TANC1: variants seen among roughly 807,000 people sequenced by gnomAD.
TANC1 encodes tetratricopeptide repeat, ankyrin repeat and coiled-coil containing 1, also known as protein TANC1.
A neutral mutation model predicts 149.7 loss-of-function variants in TANC1; 77 were observed. The ratio of observed to expected loss-of-function variants is 0.51; its 90% confidence interval spans 0.43 to 0.62. The LOEUF (loss-of-function observed/expected upper bound fraction) is 0.62. Ranked by LOEUF, TANC1 falls within the 20% of genes least tolerant of loss-of-function variation. The pLI is 0.00. For missense variants in TANC1, 1,985 were observed against 2,321.8 expected (o/e 0.85, Z 2.98); for synonymous variants, 854 against 925.0 (o/e 0.92, Z 1.39).
At chr2:159,161,976 G>A (rs1368608609) in intron 7 of TANC1, among the ~76,000 whole-genome samples, 2 of 152,218 alleles carry the variant, frequency 1.3e-5, no homozygotes, top group East Asian at 1.9e-4. Flanking sequence ...ATACTCTAGG[G>A]AAGGCTTCAG....
At chr2:159,198,427 G>A (rs529863897) in intron 18 of TANC1, among the ~76,000 whole-genome samples, 37 of 152,288 alleles carry the variant, frequency 2.4e-4, no homozygotes, top group Admixed American at 2.3e-3. Context: ...CGCCGGCTCA[G>A]GTCCAGGGCA....
At chr2:159,024,892 C>G (rs769690607) in intron 2 of TANC1, among the ~76,000 whole-genome samples, 4 of 152,154 alleles carry the variant, frequency 2.6e-5, no homozygotes, top group Non-Finnish European at 5.9e-5. Context: ...ACATGCTGTT[C>G]TGGTTTGTAG....
intron 3 of TANC1, among the ~76,000 whole-genome samples, chr2:159,093,900 G>C (rs1351950444): frequency 6.6e-6 from 1 of 152,122 alleles, no homozygotes; most frequent in African/African-American, 2.4e-5. Flanking sequence ...TGCTTTGCTT[G>C]TTATAAACAA....
intron 5 of TANC1, 103 bp from the exon 6 acceptor site, chr2:159,149,037 AAC>A (rs2052471443): frequency 7.4e-7 from 1 of 1,348,392 alleles, no homozygotes; most frequent in South Asian, 1.5e-5. Flanking sequence ...ATTTTATAGA[AAC>A]ACACAAAATC....
intron 6 of TANC1, chr2:159,149,553 C>G (rs539774216): frequency 1.1e-4 from 43 of 406,686 alleles, no homozygotes; most frequent in Non-Finnish European, 1.9e-4. Context: ...AAAAGAATGC[C>G]TTCATAATGC....
chr2:159,166,813 A>AGCTGAGATAGCTG (rs1250323299), intron 8 of TANC1, among the ~76,000 whole-genome samples: 1 of 152,248 alleles, frequency 6.6e-6, no homozygotes, highest in Non-Finnish European at 1.5e-5. Context: ...TGCCTCAGAA[A>AGCTGAGATAGCTG]GCTGAGATAG....
chr2:158,993,264 T>A (rs572241501), intron 1 of TANC1, among the ~76,000 whole-genome samples: 1 of 152,230 alleles, frequency 6.6e-6, no homozygotes, highest in South Asian at 2.1e-4. Flanking sequence ...TGTTTTTTGT[T>A]CTGTTTTGTT....
intron 3 of TANC1, among the ~76,000 whole-genome samples, chr2:159,076,976 G>A (rs531210673): frequency 6.7e-6 from 1 of 150,164 alleles, no homozygotes; most frequent in East Asian, 1.9e-4. Context: ...CTTCAGGGAC[G>A]TTCATTTTGT....
chr2:159,036,143 C>T (rs1228448013), intron 2 of TANC1, among the ~76,000 whole-genome samples: 1 of 152,216 alleles, frequency 6.6e-6, no homozygotes, highest in East Asian at 1.9e-4. Flanking sequence ...AGACGATTCC[C>T]TTCCTGGCTG....
chr2:159,113,344 G>A (rs535389383), intron 4 of TANC1, among the ~76,000 whole-genome samples: 210 of 152,326 alleles, frequency 1.4e-3, no homozygotes, highest in African/African-American at 4.9e-3. Flanking sequence ...TATTGTAGGA[G>A]GACAGACAGA....
Position 159,230,781 on chromosome 2 carries a change from TTC to T in TANC1, c.5357_5358del (p.Ser1786CysfsTer35). The T allele has an allele frequency of 6.2e-7, 1 of 1,614,210 alleles. No homozygotes were observed. Among genetic ancestry groups the T allele is most frequent in the South Asian group, 1.1e-5 (1 of 91,088 alleles). On this transcript the variant is annotated frameshift_variant, in exon 27 of 27. Transcript: ENST00000263635. LOFTEE classifies it high-confidence loss of function. This position sits in a 1 kb window ranked among gnomAD's most constrained non-coding sequence, Gnocchi z 4.4. ...GGYNNQAKTC[S>X]VSTLSASVHN... ...GATATAATAACCAAGCCAAAACCTG[TTC>T]TGTTTCTACCCTGAGTGCAAGTGTC... is the stretch of plus-strand genomic sequence containing the variant.
intron 22 of TANC1, among the ~76,000 whole-genome samples, chr2:159,223,302 CTT>C (rs914233557): frequency 6.8e-6 from 1 of 147,008 alleles, no homozygotes. Flanking sequence ...TTAATAGTAG[CTT>C]TTTTTTTTTA....
intron 2 of TANC1, among the ~76,000 whole-genome samples, chr2:159,019,673 T>G (rs1181252797): frequency 8.3e-6 from 1 of 120,272 alleles, no homozygotes; most frequent in Admixed American, 8.4e-5. Context: ...TTTTTTTTTT[T>G]TTTTTTTTTT....
intron 14 of TANC1, among the ~76,000 whole-genome samples, chr2:159,183,933 C>G (rs2056734296): frequency 6.6e-6 from 1 of 152,150 alleles, no homozygotes; most frequent in African/African-American, 2.4e-5. Context: ...TCAATGGAAG[C>G]ACCTTGCATT....
intron 10 of TANC1, 36 bp downstream of exon 10, chr2:159,170,841 AC>A: frequency 6.3e-7 from 1 of 1,596,646 alleles, no homozygotes; most frequent in East Asian, 2.2e-5. Flanking sequence ...TAGTTTATTA[AC>A]ATAAGATAGA....
chr2:158,979,033 G>A (rs573237150), intron 1 of TANC1, among the ~76,000 whole-genome samples: 28 of 152,176 alleles, frequency 1.8e-4, no homozygotes, highest in African/African-American at 6.5e-4. Flanking sequence ...TTAAGTGTTG[G>A]GGTTCTTAAA....
chr2:159,018,876 AAAAG>A (rs769196207), intron 2 of TANC1, among the ~76,000 whole-genome samples: 32 of 152,260 alleles, frequency 2.1e-4, no homozygotes, highest in Non-Finnish European at 4.1e-4. Context: ...GACAAAAAAT[AAAAG>A]AAAGAATAAA....
chr2:159,222,445 A>AC (rs1399371295), intron 22 of TANC1, among the ~76,000 whole-genome samples: 2 of 151,548 alleles, frequency 1.3e-5, no homozygotes, highest in African/African-American at 4.8e-5. Flanking sequence ...GAGTTTTTTT[A>AC]CCCCTTTAGA....
chr2:159,004,057 A>T (rs1163225021), intron 2 of TANC1: 1 of 1,612,300 alleles, frequency 6.2e-7, no homozygotes, highest in Non-Finnish European at 8.5e-7. Flanking sequence ...CATTTCAACA[A>T]TCCCAAAGTC....
Sources: gnomAD v4.1 joint callset for allele counts (sites outside exome capture counted in the v4.1 genomes callset) on GRCh38, gnomAD v4.1.1 for gene constraint, Gnocchi (gnomAD v3.1) non-coding constraint, MANE v1.5 for transcripts, NCBI Gene and HGNC (gene_info 2026-07-23, HGNC 2026-07-21) for gene names.